The following RHOA variants were observed in gnomAD, a reference collection of about 807,000 sequenced individuals.
The protein encoded by RHOA is ras homolog family member A, also known as transforming protein RhoA.
RHOA carries 3 observed loss-of-function variants against 17.5 expected under a neutral mutation model. The ratio of observed to expected loss-of-function variants is 0.17; its 90% confidence interval spans 0.08 to 0.44. The LOEUF (loss-of-function observed/expected upper bound fraction) is 0.44, where lower values mean the gene tolerates loss of function less well. RHOA is among the 20% of genes least tolerant of loss of function. RHOA has a pLI of 0.99. For synonymous variants in RHOA, 98 were observed against 88.4 expected (o/e 1.11, Z -0.61); for missense variants, 56 against 242.3 (o/e 0.23, Z 5.10).
intron 2 of RHOA, among the ~76,000 whole-genome samples, chr3:49,370,491 A>C (rs1422220011): frequency 6.6e-6 from 1 of 152,236 alleles, no homozygotes; most frequent in African/African-American, 2.4e-5. Flanking sequence ...CCATGGAAAC[A>C]AATCTGTATT....
intron 4 of RHOA, among the ~76,000 whole-genome samples, chr3:49,361,219 C>T (rs944618280): frequency 6.6e-6 from 1 of 152,062 alleles, no homozygotes; most frequent in African/African-American, 2.4e-5. Flanking sequence ...GTCAGAGGAG[C>T]CCTGGAAGGT....
intron 4 of RHOA, among the ~76,000 whole-genome samples, chr3:49,362,023 T>TAA: frequency 7.1e-6 from 1 of 140,554 alleles, no homozygotes; most frequent in African/African-American, 2.6e-5. Flanking sequence ...CCCCATCTAT[T>TAA]AAAAAAAAAA....
Position 49,404,773 on chromosome 3 carries a change from C to CA in RHOA, c.-3+7046dup, listed in dbSNP as rs773502375. 4.2e-3 allele frequency among the ~76,000 whole-genome samples: 490 copies of CA among 117,310 alleles called. 3 individuals carry two copies. Among genetic ancestry groups the CA allele is most frequent in the East Asian group, 0.031 (125 of 4,052 alleles). 77.0% of individuals were successfully genotyped at this position (117,310 alleles called of 152,430 possible). ...GTTAAACCCCGTCTCTACTAAAATACAAAAAAAAAAAAAAATTAGCCAGGC... is the reference window on the plus strand; with the variant it reads ...GTTAAACCCCGTCTCTACTAAAATACAAAAAAAAAAAAAAAATTAGCCAGGC... On this transcript the variant is annotated intron_variant, in intron 1 of 4. Transcript: ENST00000418115.
intron 1 of RHOA, among the ~76,000 whole-genome samples, chr3:49,404,602 A>C (rs1167741900): frequency 1.7e-5 from 2 of 114,732 alleles, no homozygotes; most frequent in African/African-American, 3.6e-5. Context: ...ACAGAGCAAG[A>C]CTCCGTCTCA....
intron 1 of RHOA, among the ~76,000 whole-genome samples, chr3:49,382,786 T>C (rs755296128): frequency 6.6e-6 from 1 of 152,176 alleles, no homozygotes; most frequent in Non-Finnish European, 1.5e-5. Flanking sequence ...TGGCCGAGTG[T>C]GCTGGGGTTC....
At chr3:49,409,039 C>T (rs1283356558) in intron 1 of RHOA, among the ~76,000 whole-genome samples, 3 of 151,732 alleles carry the variant, frequency 2.0e-5, no homozygotes, top group Non-Finnish European at 4.4e-5. Context: ...CCGCCCGCCT[C>T]GGCCTCCCAA....
In RHOA at chr3:49,359,930, A is replaced by C. The variant is rs2047933072; in HGVS notation, c.*279T>G. On this transcript the variant is annotated 3_prime_UTR_variant, in exon 5 of 5. Coordinates refer to ENST00000418115, the MANE Select transcript of RHOA (RefSeq NM_001664.4). ...ACCAACTGTTTCTCTTTCTAGAAAG[A>C]AGCAAGAAGTTAAGAAATTCCTTGA... 8.0e-6 allele frequency: 3 copies of C among 373,924 alleles called. No individual in the cohort carries two copies. Among genetic ancestry groups the C allele is most frequent in the South Asian group, 6.0e-5 (1 of 16,716 alleles). The allele number at this position is 373,924 out of a possible 1,614,324, so 23.2% of individuals were successfully genotyped here. A position where few individuals can be genotyped will look rare whatever the true frequency, so the allele number is the denominator to read the frequency against.
rs1322519922 is a variant in RHOA, at chr3:49,360,245, T to C, written c.546A>G (p.Arg182=). Reference sequence around the variant, plus strand: ...GGCACCCAGATTTTTTCTTCCCACGTCTAGCTTGCAGAGCAGCTCTCGTAG... The same window carrying C: ...GGCACCCAGATTTTTTCTTCCCACGCCTAGCTTGCAGAGCAGCTCTCGTAG... ...EMATRAALQA[R]RGKKKSGCLV... is the part of the protein sequence containing the mutation. The change falls in exon 5 of 5, where the codon AGA becomes AGG. Residue 182 remains arginine (R), a synonymous_variant. Transcript: ENST00000418115. The C allele has an allele frequency of 1.2e-5, 19 of 1,613,906 alleles. No individual in the cohort carries two copies. The highest frequency in any genetic ancestry group is 5.5e-5 in the South Asian group (5 of 91,056).
chr3:49,407,296 C>T (rs1270673968), intron 1 of RHOA, among the ~76,000 whole-genome samples: 2 of 122,038 alleles, frequency 1.6e-5, no homozygotes, highest in Non-Finnish European at 3.2e-5. Context: ...TGCAATGGCT[C>T]GATCTCTGCT....
intron 1 of RHOA, among the ~76,000 whole-genome samples, chr3:49,393,642 T>C (rs1448361096): frequency 3.9e-5 from 3 of 76,706 alleles, no homozygotes; most frequent in Admixed American, 1.7e-4. Context: ...CAAGAACAGT[T>C]AGGACCACAG....
At chr3:49,363,806 C>T (rs1057332356) in intron 3 of RHOA, among the ~76,000 whole-genome samples, 3 of 151,788 alleles carry the variant, frequency 2.0e-5, no homozygotes, top group African/African-American at 4.8e-5. Context: ...GAGTCGAGAT[C>T]GCAATACTAC....
chr3:49,379,043 G>T lies in RHOA; in HGVS notation c.-2-3452C>A, dbSNP rs535243581. On this transcript the variant is annotated intron_variant, in intron 1 of 4. Transcript: ENST00000418115. The stretch of plus-strand genomic sequence containing the variant: ...TCTATTCCTAGGTATATATCTAAGA[G>T]AAACAAAAACATATGTCCACATAAC... Among the ~76,000 whole-genome samples the T allele has an allele frequency of 1.2e-4, 19 of 152,220 alleles. 1 individual carries two copies. The South Asian group carries it at 3.9e-3, about 32-fold the overall frequency.
At chr3:49,371,107 C>T (rs2048140083) in intron 2 of RHOA, among the ~76,000 whole-genome samples, 1 of 152,252 alleles carries the variant, frequency 6.6e-6, no homozygotes, top group Middle Eastern at 3.4e-3. Flanking sequence ...CGGCCCCCTC[C>T]ACCCCACGGT....
intron 2 of RHOA, among the ~76,000 whole-genome samples, chr3:49,369,998 C>T (rs920183832): frequency 6.6e-6 from 1 of 151,648 alleles, no homozygotes; most frequent in Admixed American, 6.6e-5. Context: ...ACCCAGGAGG[C>T]GGAGGTTGCA....
intron 4 of RHOA, chr3:49,360,997 TG>T: frequency 7.6e-6 from 2 of 263,674 alleles, no homozygotes; most frequent in South Asian, 2.8e-5. Flanking sequence ...CGCTTAAATC[TG>T]GGAGGCGGAG....
At chr3:49,376,077 G>A (rs2048221814) in intron 1 of RHOA, among the ~76,000 whole-genome samples, 1 of 151,952 alleles carries the variant, frequency 6.6e-6, no homozygotes, top group Non-Finnish European at 1.5e-5. Flanking sequence ...CTGACCTCAG[G>A]TGATCCACCT....
rs8179165 is a variant in RHOA, at chr3:49,359,411, A to G, written c.*798T>C. On this transcript the variant is annotated 3_prime_UTR_variant, in exon 5 of 5. Coordinates refer to ENST00000418115, the MANE Select transcript of RHOA (RefSeq NM_001664.4). ...ATTCCTATTTACTTAGCCCAGCTCC[A>G]TGGGGTACTGAGATACATGGGGCCG... The G allele has an allele frequency of 1.3e-3, 251 of 188,196 alleles. 3 individuals are homozygous for G. The highest frequency in any genetic ancestry group is 9.7e-3 in the Middle Eastern group (5 of 514). The allele number at this position is 188,196 out of a possible 1,614,324, so 11.7% of individuals were successfully genotyped here.
intron 1 of RHOA, among the ~76,000 whole-genome samples, chr3:49,386,351 G>A (rs189702962): frequency 6.6e-6 from 1 of 152,156 alleles, no homozygotes; most frequent in African/African-American, 2.4e-5. Context: ...TTGTAGAAGA[G>A]GAAAAATATA....
chr3:49,409,007 G>A (rs1429050003), intron 1 of RHOA, among the ~76,000 whole-genome samples: 1 of 151,520 alleles, frequency 6.6e-6, no homozygotes, highest in Admixed American at 6.6e-5. Context: ...TGTTAGCCAG[G>A]ATGGTCTCCA....
Sources: allele counts gnomAD v4.1 joint callset (sites outside exome capture counted in the v4.1 genomes callset), GRCh38; gene constraint gnomAD v4.1.1; transcripts MANE v1.5; gene names NCBI Gene and HGNC (gene_info 2026-07-23, HGNC 2026-07-21).